RAB3C: variants seen among roughly 807,000 people sequenced by gnomAD.
RAB3C encodes the protein ras-related protein Rab-3C.
Under a neutral mutation model 26.4 loss-of-function variants are expected in RAB3C, and 17 were observed. The observed-to-expected ratio is 0.64, with a 90% CI of 0.44 to 0.97. The LOEUF is 0.97. Ranked by LOEUF, RAB3C falls within the 50% of genes least tolerant of loss-of-function variation. The pLI is 0.00. For synonymous variants in RAB3C, 91 were observed against 95.9 expected, an observed-to-expected ratio of 0.95 and a Z score of 0.30; for missense variants, 242 against 281.9, an observed-to-expected ratio of 0.86 and a Z score of 1.01.
intron 1 of RAB3C, among the ~76,000 whole-genome samples, chr5:58,610,986 C>T (rs978443631): frequency 6.6e-6 from 1 of 151,912 alleles, no homozygotes; most frequent in African/African-American, 2.4e-5. Flanking sequence ...AGCTACCACT[C>T]GTAAGTGAGA....
chr5:58,825,017 T>C lies in RAB3C; in HGVS notation c.372-21T>C. ...GTTCTGCTTTCCTCTGATTGTGTCA[T>C]GCTTCTTCTTTTTCTTTTAGGTCAA... On this transcript the variant is annotated intron_variant, in intron 3 of 4. Coordinates refer to ENST00000282878, the MANE Select transcript of RAB3C (RefSeq NM_138453.4). 3.8e-6 allele frequency: 6 copies of C among 1,577,666 alleles called. No homozygotes were observed. In the South Asian group the frequency reaches 6.8e-5, roughly 18 times the overall value.
intron 3 of RAB3C, among the ~76,000 whole-genome samples, chr5:58,813,532 A>G (rs1743132213): frequency 6.7e-6 from 1 of 150,058 alleles, no homozygotes. Flanking sequence ...AGTCATTCCA[A>G]GCACATGCCT....
At chr5:58,659,219 T>C (rs140405108) in intron 2 of RAB3C, among the ~76,000 whole-genome samples, 445 of 152,368 alleles carry the variant, frequency 2.9e-3, no homozygotes, top group African/African-American at 9.7e-3. Flanking sequence ...TGTAGGTATA[T>C]ATATATATAC....
intron 2 of RAB3C, among the ~76,000 whole-genome samples, chr5:58,702,119 A>T (rs73757931): frequency 0.023 from 3,499 of 152,218 alleles, 138 homozygotes; most frequent in African/African-American, 0.08. Context: ...AAAAATATAT[A>T]TTTTACATCA....
chr5:58,614,518 G>C (rs1469015554), intron 1 of RAB3C, among the ~76,000 whole-genome samples: 1 of 151,986 alleles, frequency 6.6e-6, no homozygotes, highest in Non-Finnish European at 1.5e-5. Context: ...GAGTAAGTGA[G>C]TTAATAACTT....
At chr5:58,823,212 T>G (rs1183743984) in intron 3 of RAB3C, 2 of 317,048 alleles carry the variant, frequency 6.3e-6, no homozygotes, top group African/African-American at 4.3e-5. Context: ...ACTTCAGACC[T>G]GATGGAGGAG....
intron 2 of RAB3C, among the ~76,000 whole-genome samples, chr5:58,620,883 G>A (rs1225088775): frequency 6.6e-6 from 1 of 152,170 alleles, no homozygotes; most frequent in African/African-American, 2.4e-5. Context: ...AAGAAATAAT[G>A]AGGAGCAACA....
intron 3 of RAB3C, among the ~76,000 whole-genome samples, chr5:58,796,302 A>G (rs767829064): frequency 2.0e-5 from 3 of 152,204 alleles, no homozygotes; most frequent in Non-Finnish European, 4.4e-5. Context: ...GAAACACTAT[A>G]TGTAGCATTA....
In RAB3C at chr5:58,801,078, G is replaced by A. The variant is rs139162641; in HGVS notation, c.372-23960G>A. On this transcript the variant is annotated intron_variant, in intron 3 of 4. Transcript: ENST00000282878. ...CCCAAAAGAGACTTGGAAATATTACGCTCTTCATGAGGAATGTGGCTGTGC... is the reference window on the plus strand; with the variant it reads ...CCCAAAAGAGACTTGGAAATATTACACTCTTCATGAGGAATGTGGCTGTGC... Among the ~76,000 whole-genome samples the A allele has an allele frequency of 1.1e-3, 163 of 152,270 alleles. 1 individual carries two copies. Among genetic ancestry groups the A allele is most frequent in the South Asian group, 9.7e-3 (47 of 4,830 alleles).
At position 58,688,966 on chromosome 5, in the gene RAB3C, A is replaced by G. The variant is rs186196040; in HGVS notation, c.253-37036A>G. ...TACATCCTCCATAATAGGGACTAGA[A>G]ATAGCTGACATTTGTTGACCTTTTA... On this transcript the variant is annotated intron_variant, in intron 2 of 4. Coordinates refer to ENST00000282878, the MANE Select transcript of RAB3C (RefSeq NM_138453.4). Among the ~76,000 whole-genome samples the G allele has an allele frequency of 4.6e-5, 7 of 152,260 alleles. No homozygotes were observed. The East Asian group carries it at 1.2e-3, about 25-fold the overall frequency.
chr5:58,673,304 A>C (rs1748157834), intron 2 of RAB3C, among the ~76,000 whole-genome samples: 1 of 152,148 alleles, frequency 6.6e-6, no homozygotes, highest in South Asian at 2.1e-4. Flanking sequence ...ACTTTAAGGT[A>C]TTAAAAAGTC....
chr5:58,792,668 C>G (rs922271533), intron 3 of RAB3C, among the ~76,000 whole-genome samples: 13 of 151,968 alleles, frequency 8.6e-5, no homozygotes, highest in African/African-American at 2.2e-4. Flanking sequence ...TCCCAACAAC[C>G]CTTCCTATAG....
intron 4 of RAB3C, among the ~76,000 whole-genome samples, chr5:58,841,258 G>A (rs1743869059): frequency 6.6e-6 from 1 of 152,206 alleles, no homozygotes; most frequent in African/African-American, 2.4e-5. Flanking sequence ...TGGCTCAAGA[G>A]TAGAGTTGCC....
Position 58,784,154 on chromosome 5 carries a change from T to A in RAB3C, c.372-40884T>A, listed in dbSNP as rs147259306. On this transcript the variant is annotated intron_variant, in intron 3 of 4. Transcript: ENST00000282878. ...AAAACATGGCTTAAAAATAAATGGG[T>A]CAGAAAGCCTCACCCAATGAAAAGT... is the stretch of plus-strand genomic sequence containing the variant. Among the ~76,000 whole-genome samples, 49 of 152,224 alleles carry A rather than the reference T, an allele frequency of 3.2e-4. 1 individual carries two copies. The East Asian group carries it at 9.3e-3, about 29-fold the overall frequency.
At chr5:58,729,429 G>A (rs1224843471) in intron 3 of RAB3C, among the ~76,000 whole-genome samples, 3 of 151,664 alleles carry the variant, frequency 2.0e-5, no homozygotes, top group Admixed American at 1.3e-4. Flanking sequence ...GCACCCCTCA[G>A]CAAACACCAA....
intron 2 of RAB3C, among the ~76,000 whole-genome samples, chr5:58,672,602 T>C (rs538331625): frequency 6.6e-6 from 1 of 152,314 alleles, no homozygotes; most frequent in East Asian, 1.9e-4. Context: ...TTGAAGGACT[T>C]CTGGTTGGTT....
intron 3 of RAB3C, among the ~76,000 whole-genome samples, chr5:58,776,315 CTT>C (rs1376828360): frequency 6.6e-6 from 1 of 152,102 alleles, no homozygotes; most frequent in African/African-American, 2.4e-5. Flanking sequence ...TTTCCAAACT[CTT>C]TTGATGAAAC....
At chr5:58,640,196 G>A (rs1747384982) in intron 2 of RAB3C, among the ~76,000 whole-genome samples, 1 of 152,150 alleles carries the variant, frequency 6.6e-6, no homozygotes, top group Admixed American at 6.5e-5. Flanking sequence ...TTCCTTTCCT[G>A]AAGTCAAGCT....
In RAB3C at chr5:58,617,837, C is replaced by A; in HGVS notation, c.219C>A (p.Phe73Leu). Residue 73 changes from phenylalanine to leucine, a missense_variant, in exon 2 of 5, where the codon TTC (phenylalanine) becomes TTA (leucine). By Grantham distance (22) the Phe-to-Leu change is conservative (BLOSUM62 0). Transcript: ENST00000282878. ...TCGATTTCAAAGTAAAAACTGTATT[C>A]AAAAATGAAAAGAGAATCAAGCTTC... ...VGIDFKVKTV[F>L]KNEKRIKLQI... The A allele has an allele frequency of 6.2e-7, 1 of 1,611,714 alleles. No individual in the cohort carries two copies. The highest frequency in any genetic ancestry group is 1.1e-5 in the South Asian group (1 of 90,946).
Sources: allele counts gnomAD v4.1 joint callset (sites outside exome capture counted in the v4.1 genomes callset), GRCh38; gene constraint gnomAD v4.1.1; transcripts MANE v1.5; gene names NCBI Gene and HGNC (gene_info 2026-07-23, HGNC 2026-07-21).